Variants in THEMIS observed in about 807,000 individuals in gnomAD.
THEMIS encodes protein THEMIS.
Under a neutral mutation model 52.6 loss-of-function variants are expected in THEMIS, and 37 were observed. The observed-to-expected ratio is 0.70, with a 90% CI of 0.54 to 0.93. THEMIS has a LOEUF of 0.93. THEMIS is among the 40% of genes least tolerant of loss of function. The pLI is 0.00. For synonymous variants in THEMIS, 292 were observed against 272.7 expected (o/e 1.07, Z -0.70); for missense variants, 808 against 763.1 (o/e 1.06, Z -0.69).
chr6:127,898,853 G>A (rs1781049604), intron 1 of THEMIS, among the ~76,000 whole-genome samples: 1 of 151,832 alleles, frequency 6.6e-6, no homozygotes, highest in East Asian at 1.9e-4. Flanking sequence ...TAGGTTAAGT[G>A]AAATAAGCCA....
chr6:127,776,508 C>A (rs527736675), intron 4 of THEMIS, among the ~76,000 whole-genome samples: 2 of 152,128 alleles, frequency 1.3e-5, no homozygotes, highest in South Asian at 2.1e-4. Flanking sequence ...TGCCCCAAGG[C>A]GGGTGAATTA....
chr6:127,772,555 TA>T (rs1477701010), intron 4 of THEMIS, among the ~76,000 whole-genome samples: 1 of 152,112 alleles, frequency 6.6e-6, no homozygotes, highest in Non-Finnish European at 1.5e-5. Flanking sequence ...TTTAATTGCT[TA>T]AAAATCAAGG....
At chr6:127,895,084 C>T (rs934232937) in intron 1 of THEMIS, among the ~76,000 whole-genome samples, 2 of 150,678 alleles carry the variant, frequency 1.3e-5, no homozygotes, top group African/African-American at 4.8e-5. Flanking sequence ...CACATAAACA[C>T]ACTAAAGAAA....
At chr6:127,845,476 G>A (rs80172609) in intron 2 of THEMIS, among the ~76,000 whole-genome samples, 2,777 of 151,840 alleles carry the variant, frequency 0.018, 104 homozygotes, top group African/African-American at 0.063. Flanking sequence ...TCTCCTCCCC[G>A]ACACTCAGGT....
At chr6:127,741,460 A>G (rs999875383) in intron 4 of THEMIS, among the ~76,000 whole-genome samples, 2 of 152,230 alleles carry the variant, frequency 1.3e-5, no homozygotes, top group Non-Finnish European at 2.9e-5. Context: ...ACCACACTCC[A>G]TAACAAAATA....
downstream of THEMIS, among the ~76,000 whole-genome samples, chr6:127,706,636 A>T (rs950289681): frequency 1.3e-5 from 2 of 152,162 alleles, no homozygotes; most frequent in Non-Finnish European, 2.9e-5. Flanking sequence ...TAAAAGATAT[A>T]GCTTGTTAGA....
chr6:127,888,694 A>C (rs554833763), intron 1 of THEMIS, among the ~76,000 whole-genome samples: 10 of 152,110 alleles, frequency 6.6e-5, no homozygotes, highest in Non-Finnish European at 1.3e-4. Flanking sequence ...ATGCAAACCA[A>C]TTTTGTTTTT....
intron 1 of THEMIS, among the ~76,000 whole-genome samples, chr6:127,873,629 A>C (rs1055516661): frequency 2.6e-5 from 4 of 152,170 alleles, no homozygotes; most frequent in African/African-American, 9.7e-5. Flanking sequence ...TTACCCTTAA[A>C]CAATGTAGGG....
chr6:127,753,534 T>A (rs11154427), intron 4 of THEMIS, among the ~76,000 whole-genome samples: 1 of 151,886 alleles, frequency 6.6e-6, no homozygotes, highest in Non-Finnish European at 1.5e-5. Flanking sequence ...TTAAAAGATA[T>A]CTACATTAAT....
At chr6:127,826,088 A>G (rs971317654) in intron 3 of THEMIS, among the ~76,000 whole-genome samples, 2 of 152,148 alleles carry the variant, frequency 1.3e-5, no homozygotes, top group Non-Finnish European at 2.9e-5. Context: ...GTCAATAGTT[A>G]CTATCTTAAA....
chr6:127,778,779 G>T (rs780290591), intron 4 of THEMIS, among the ~76,000 whole-genome samples: 1 of 149,876 alleles, frequency 6.7e-6, no homozygotes, highest in Non-Finnish European at 1.5e-5. Flanking sequence ...CATCCAGTTC[G>T]ACTATACTGA....
chr6:127,828,380 TG>T (rs1778580367), intron 3 of THEMIS, among the ~76,000 whole-genome samples: 1 of 152,206 alleles, frequency 6.6e-6, no homozygotes, highest in Non-Finnish European at 1.5e-5. Context: ...CTCAATTTTT[TG>T]TAATACTAAA....
rs1307895330 is a variant in THEMIS at position 127,829,788 on chromosome 6, C to A, written c.397G>T (p.Gly133Cys). 6.2e-6 allele frequency: 10 copies of A among 1,613,906 alleles called. No homozygotes were observed. Among genetic ancestry groups the A allele is most frequent in the Non-Finnish European group, 8.5e-6 (10 of 1,180,002 alleles). The change falls in exon 3 of 6, where the codon GGT (glycine) becomes TGT (cysteine). Residue 133 changes from glycine (G) to cysteine (C), a missense_variant. Coordinates refer to ENST00000368248, the MANE Select transcript of THEMIS (RefSeq NM_001010923.3). The part of the protein sequence containing the change: ...IKLENLIIKQ[G>C]EQIMLNSVEE... ...ACTGAGTTGAGCATGATTTGCTCAC[C>A]CTGCTTTATGATGAGGTTCTCTAGT...
At chr6:127,831,994 T>C (rs1019103414) in intron 2 of THEMIS, among the ~76,000 whole-genome samples, 2 of 152,098 alleles carry the variant, frequency 1.3e-5, no homozygotes, top group Non-Finnish European at 2.9e-5. Flanking sequence ...TCCACAATCA[T>C]TATGAGGGTA....
intron 4 of THEMIS, among the ~76,000 whole-genome samples, chr6:127,776,920 G>T (rs552200745): frequency 8.6e-5 from 13 of 151,890 alleles, no homozygotes; most frequent in African/African-American, 2.4e-4. Context: ...TAAAATTTCC[G>T]CCTTTATATC....
intron 4 of THEMIS, among the ~76,000 whole-genome samples, chr6:127,748,012 G>T (rs917620486): frequency 1.5e-4 from 23 of 152,186 alleles, no homozygotes; most frequent in Admixed American, 1.4e-3. Context: ...CTCAAAAAAT[G>T]TTACATGTTA....
At chr6:127,876,813 C>T (rs545964495) in intron 1 of THEMIS, among the ~76,000 whole-genome samples, 29 of 152,170 alleles carry the variant, frequency 1.9e-4, no homozygotes, top group South Asian at 1.0e-3. Flanking sequence ...CTTGGACATA[C>T]GTGGAAATAA....
At chr6:127,784,271 G>A (rs1277112570) in intron 4 of THEMIS, among the ~76,000 whole-genome samples, 2 of 152,092 alleles carry the variant, frequency 1.3e-5, no homozygotes, top group African/African-American at 4.8e-5. Flanking sequence ...AGCATTAGGA[G>A]AATACCTAAT....
At chr6:127,896,042 T>A (rs1339474219) in intron 1 of THEMIS, among the ~76,000 whole-genome samples, 1 of 151,272 alleles carries the variant, frequency 6.6e-6, no homozygotes, top group African/African-American at 2.4e-5. Flanking sequence ...GTTTAACACT[T>A]TTTAATGTAA....
Sources: allele counts gnomAD v4.1 joint callset (sites outside exome capture counted in the v4.1 genomes callset), GRCh38; gene constraint gnomAD v4.1.1; transcripts MANE v1.5; gene names NCBI Gene and HGNC (gene_info 2026-07-23, HGNC 2026-07-21).